SCARB1: variants seen among roughly 807,000 people sequenced by gnomAD.
The protein encoded by SCARB1 is CD36 and LIMPII analogous 1.
SCARB1 carries 30 observed loss-of-function variants against 57.2 expected under a neutral mutation model. That is an observed-to-expected ratio of 0.52 (90% CI 0.39 to 0.71). SCARB1 has a LOEUF of 0.71. Ranked by LOEUF, SCARB1 falls within the 30% of genes least tolerant of loss-of-function variation. The pLI is 0.00. For missense variants in SCARB1, 543 were observed against 671.2 expected, an observed-to-expected ratio of 0.81 and a Z score of 2.11; for synonymous variants, 249 against 268.3, an observed-to-expected ratio of 0.93 and a Z score of 0.70.
At chr12:124,803,561 C>T (rs1950210166) in intron 7 of SCARB1, among the ~76,000 whole-genome samples, 1 of 151,760 alleles carries the variant, frequency 6.6e-6, no homozygotes, top group African/African-American at 2.4e-5. Flanking sequence ...CAGTGATACC[C>T]TGTCTCAAAA....
chr12:124,811,551 G>A (rs1404640331), intron 5 of SCARB1, among the ~76,000 whole-genome samples: 1 of 152,216 alleles, frequency 6.6e-6, no homozygotes, highest in East Asian at 1.9e-4. Flanking sequence ...TGGGATTACA[G>A]GCATGAACTA....
intron 9 of SCARB1, among the ~76,000 whole-genome samples, chr12:124,790,847 C>T (rs553953782): frequency 6.6e-6 from 1 of 152,360 alleles, no homozygotes; most frequent in East Asian, 1.9e-4. Context: ...AGCCCTTCCA[C>T]CCCACACAGG....
Position 124,814,226 on chromosome 12 carries a change from C to T in SCARB1, c.606G>A (p.Lys202=). 6.2e-7 allele frequency: 1 copy of T among 1,614,194 alleles called. No homozygotes were observed. The highest frequency in any genetic ancestry group is 8.5e-7 in the Non-Finnish European group (1 of 1,180,034). ...NKYFPGMFPF[K]DKFGLFAELN... ...CCTCAGCAAATAATCCGAACTTGTC[C>T]TTGAAGGGGAACATGCCTGGAAAGT... is the stretch of plus-strand genomic sequence containing the variant. Residue 202 remains lysine (K), a synonymous_variant, in exon 4 of 13, where the codon AAG becomes AAA. Coordinates refer to ENST00000261693, the MANE Select transcript of SCARB1 (RefSeq NM_005505.5). This position sits in a 1 kb window ranked among gnomAD's most constrained non-coding sequence, Gnocchi z 4.7.
chr12:124,799,985 T>G, intron 8 of SCARB1, 139 bp downstream of exon 8: 1 of 729,244 alleles, frequency 1.4e-6, no homozygotes, highest in South Asian at 1.5e-5. Flanking sequence ...AGTAAGGAAC[T>G]TTGGTGGCTC....
At chr12:124,821,310 C>T (rs1179003155) in intron 1 of SCARB1, 7 of 919,534 alleles carry the variant, frequency 7.6e-6, no homozygotes, top group South Asian at 1.0e-4. Flanking sequence ...CCTTTGCAGC[C>T]TCCCTCTCCC....
intron 1 of SCARB1, among the ~76,000 whole-genome samples, chr12:124,853,598 T>C (rs1483988058): frequency 6.6e-6 from 1 of 152,168 alleles, no homozygotes. Flanking sequence ...TTTCACCATG[T>C]TGGCCAGGCT....
intron 7 of SCARB1, among the ~76,000 whole-genome samples, chr12:124,801,934 T>C (rs1950146216): frequency 6.6e-6 from 1 of 151,530 alleles, no homozygotes; most frequent in South Asian, 2.1e-4. Context: ...GTGGACCAGT[T>C]GAGGTTGGGA....
In SCARB1 at chr12:124,807,908, T is replaced by C; in HGVS notation, c.862A>G (p.Lys288Glu). The change falls in exon 7 of 13, where the codon AAG (lysine) becomes GAG (glutamate). Residue 288 changes from lysine (K) to glutamate (E), a missense_variant. Coordinates refer to ENST00000261693, the MANE Select transcript of SCARB1 (RefSeq NM_005505.5). The surrounding 1 kb of genome is among the most constrained non-coding windows in gnomAD (Gnocchi z 5.3). Reference protein sequence around the residue: ...EACRSMKLMYKESGVFEGIPT... With the variant: ...EACRSMKLMYEESGVFEGIPT... ...ATGCCTTCAAACACCCCTGACTCCT[T>C]GTACATTAGCTTCATGGATCTGCAG... 1 of 1,614,080 alleles carries C rather than the reference T, an allele frequency of 6.2e-7. No individual in the cohort carries two copies.
At chr12:124,852,953 C>T (rs1225901658) in intron 1 of SCARB1, among the ~76,000 whole-genome samples, 2 of 152,074 alleles carry the variant, frequency 1.3e-5, no homozygotes, top group Non-Finnish European at 2.9e-5. Context: ...GCTGGAGAGT[C>T]GTTTGAACCG....
intron 1 of SCARB1, among the ~76,000 whole-genome samples, chr12:124,863,096 G>A (rs1347251432): frequency 6.6e-6 from 1 of 152,242 alleles, no homozygotes; most frequent in Non-Finnish European, 1.5e-5. Context: ...CACCTACCAT[G>A]TGAGCTGGGC....
At chr12:124,791,734 T>C (rs1949735744) in intron 9 of SCARB1, among the ~76,000 whole-genome samples, 1 of 151,390 alleles carries the variant, frequency 6.6e-6, no homozygotes, top group Non-Finnish European at 1.5e-5. Flanking sequence ...AGGCAGGTGA[T>C]CACCTGAGGT....
rs975081205 is a variant in SCARB1 at position 124,780,771 on chromosome 12, C to T, written c.*1912G>A. ...AGATGACAGGACATCCTGGTTATGT[C>T]CAGGGAGGTGCAGCCATGGGGCCCT... is the stretch of plus-strand genomic sequence containing the variant. On this transcript the variant is annotated intron_variant, in intron 12 of 12. Transcript: ENST00000261693. 1.8e-4 allele frequency among the ~76,000 whole-genome samples: 27 copies of T among 152,320 alleles called. 1 individual carries two copies. The highest frequency in any genetic ancestry group is 9.1e-4 in the Admixed American group (14 of 15,306).
Position 124,786,550 on chromosome 12 carries a change from G to A in SCARB1, c.1255-47C>T, listed in dbSNP as rs368108394. The A allele has an allele frequency of 4.4e-6, 7 of 1,608,994 alleles. No individual in the cohort carries two copies. The East Asian group carries it at 6.7e-5, about 15-fold the overall frequency. ...CACATGAGCTGGGGCCGCAGGCTGC[G>A]GGCTACAGCGCAGATGCCACCCAAC... On this transcript the variant is annotated intron_variant, in intron 10 of 12. Transcript: ENST00000261693.
intron 1 of SCARB1, among the ~76,000 whole-genome samples, chr12:124,859,893 A>G (rs768820107): frequency 2.6e-5 from 4 of 151,896 alleles, no homozygotes; most frequent in Admixed American, 2.0e-4. Flanking sequence ...GCTTTTTTCA[A>G]TTAGTAATGT....
At chr12:124,846,807 G>A (rs906957693) in intron 1 of SCARB1, among the ~76,000 whole-genome samples, 22 of 148,282 alleles carry the variant, frequency 1.5e-4, no homozygotes, top group Non-Finnish European at 2.8e-4. Context: ...ATCATGAACT[G>A]TGATATGACA....
chr12:124,849,865 C>T (rs1186974437), intron 1 of SCARB1, among the ~76,000 whole-genome samples: 5 of 133,256 alleles, frequency 3.8e-5, no homozygotes, highest in African/African-American at 5.6e-5. Context: ...GAGTTCAAGA[C>T]CAGCCTGGGC....
intron 9 of SCARB1, among the ~76,000 whole-genome samples, chr12:124,794,969 GT>G (rs1949890267): frequency 6.8e-6 from 1 of 147,018 alleles, no homozygotes; most frequent in Non-Finnish European, 1.5e-5. Context: ...AGAAAGAAAA[GT>G]GGTGTTCTGG....
rs78354477 is a variant in SCARB1 at position 124,851,579 on chromosome 12, T to A, written c.126+12016A>T. ...ACTCAGCCTCGCACAGTCCTGCTAATGAGAACAAAGTGAAACATAAAGGAT... is the reference window on the plus strand; with the variant it reads ...ACTCAGCCTCGCACAGTCCTGCTAAAGAGAACAAAGTGAAACATAAAGGAT... On this transcript the variant is annotated intron_variant, in intron 1 of 12. Coordinates refer to ENST00000261693, the MANE Select transcript of SCARB1 (RefSeq NM_005505.5). Among the ~76,000 whole-genome samples the A allele has an allele frequency of 3.7e-3, 566 of 151,374 alleles. 2 individuals carry two copies. The highest frequency in any genetic ancestry group is 6.2e-3 in the Non-Finnish European group (423 of 67,920).
At chr12:124,787,666 T>C (rs1264703428) in intron 9 of SCARB1, among the ~76,000 whole-genome samples, 1 of 152,118 alleles carries the variant, frequency 6.6e-6, no homozygotes, top group Non-Finnish European at 1.5e-5. Flanking sequence ...CAGCCCTCAA[T>C]AATACTTGTA....
Sources: allele counts gnomAD v4.1 joint callset (sites outside exome capture counted in the v4.1 genomes callset), GRCh38; gene constraint gnomAD v4.1.1; non-coding constraint Gnocchi (gnomAD v3.1); transcripts MANE v1.5; gene names NCBI Gene and HGNC (gene_info 2026-07-23, HGNC 2026-07-21).